The following DMXL1 variants were observed in gnomAD, a reference collection of about 807,000 sequenced individuals.
DMXL1 encodes the protein dmX-like protein 1.
DMXL1 carries 99 observed loss-of-function variants against 319.2 expected under a neutral mutation model. That is an observed-to-expected ratio of 0.31 (90% CI 0.26 to 0.37). DMXL1 has a LOEUF of 0.37. DMXL1 is among the 10% of genes least tolerant of loss of function. The pLI is 1.00. For synonymous variants in DMXL1, 1,385 were observed against 1,235.2 expected, an observed-to-expected ratio of 1.12 and a Z score of -2.54; for missense variants, 3,745 against 3,595.6, an observed-to-expected ratio of 1.04 and a Z score of -1.06.
chr5:119,081,997 T>TTG (rs1249205755), intron 1 of DMXL1, among the ~76,000 whole-genome samples: 1 of 116,210 alleles, frequency 8.6e-6, no homozygotes, highest in Non-Finnish European at 1.8e-5. Flanking sequence ...TTTCTTAAGG[T>TTG]TATATATATA....
At chr5:119,176,708 A>C (rs1775866358) in intron 26 of DMXL1, among the ~76,000 whole-genome samples, 1 of 152,054 alleles carries the variant, frequency 6.6e-6, no homozygotes, top group Non-Finnish European at 1.5e-5. Flanking sequence ...TTTCTAAAGG[A>C]AATTCCTTAT....
intron 33 of DMXL1, 36 bp downstream of exon 33, chr5:119,203,472 A>G: frequency 7.8e-7 from 1 of 1,278,590 alleles, no homozygotes; most frequent in Non-Finnish European, 1.1e-6. Flanking sequence ...CTATTTTATT[A>G]TTGAAGTCTT....
intron 9 of DMXL1, among the ~76,000 whole-genome samples, chr5:119,125,192 A>G (rs527366192): frequency 6.6e-6 from 1 of 152,348 alleles, no homozygotes; most frequent in South Asian, 2.1e-4. Context: ...AGAGAACTAC[A>G]ATATATGAAT....
intron 38 of DMXL1, among the ~76,000 whole-genome samples, chr5:119,227,323 G>C (rs1271616996): frequency 2.6e-5 from 4 of 152,002 alleles, no homozygotes; most frequent in Non-Finnish European, 4.4e-5. Flanking sequence ...TCATACACTT[G>C]ATAGGTTCTA....
intron 33 of DMXL1, among the ~76,000 whole-genome samples, chr5:119,205,997 A>G (rs1781677250): frequency 6.6e-6 from 1 of 151,944 alleles, no homozygotes; most frequent in Non-Finnish European, 1.5e-5. Flanking sequence ...TTATTTCTTT[A>G]TGTGTTTGAA....
At chr5:119,121,934 G>A (rs887378785) in intron 9 of DMXL1, among the ~76,000 whole-genome samples, 43 of 141,190 alleles carry the variant, frequency 3.0e-4, no homozygotes, top group South Asian at 9.4e-4. Context: ...CCTCCCTCCC[G>A]GACGGGGCGG....
chr5:119,165,404 A>T (rs894500052), intron 21 of DMXL1, 124 bp downstream of exon 21: 12 of 566,696 alleles, frequency 2.1e-5, no homozygotes, highest in Non-Finnish European at 3.3e-5. Flanking sequence ...TAGTTGTTTT[A>T]TATTTAAAAG....
At chr5:119,110,576 G>C (rs1316239958) in intron 5 of DMXL1, among the ~76,000 whole-genome samples, 3 of 152,128 alleles carry the variant, frequency 2.0e-5, no homozygotes, top group African/African-American at 7.2e-5. Flanking sequence ...GCTTTTGAAT[G>C]GAAGACTTCC....
intron 34 of DMXL1, among the ~76,000 whole-genome samples, chr5:119,209,780 T>G (rs1399405941): frequency 6.6e-6 from 1 of 152,244 alleles, no homozygotes; most frequent in Non-Finnish European, 1.5e-5. Context: ...ATTTGCCATT[T>G]GTCTATCTTT....
chr5:119,208,964 A>G (rs937210169), intron 34 of DMXL1, among the ~76,000 whole-genome samples: 3 of 152,188 alleles, frequency 2.0e-5, no homozygotes, highest in African/African-American at 7.2e-5. Context: ...CATATAATAC[A>G]TCATTTTTGG....
chr5:119,139,363 G>T (rs1766760597), intron 13 of DMXL1, among the ~76,000 whole-genome samples: 1 of 152,176 alleles, frequency 6.6e-6, no homozygotes. Flanking sequence ...ACAATGGTAT[G>T]TGGTCTTCAA....
rs536874559 is a variant in DMXL1, at chr5:119,095,581, T to C, written c.88-2398T>C. ...GAAGACATGAGTTTTTTTATTCCAC[T>C]GAAAGGAAACTGAAAATGTTGTTTA... On this transcript the variant is annotated intron_variant, in intron 1 of 43. Coordinates refer to ENST00000539542, the MANE Select transcript of DMXL1 (RefSeq NM_001290321.3). Among the ~76,000 whole-genome samples, 145 of 152,280 alleles carry C rather than the reference T, an allele frequency of 9.5e-4. 3 individuals are homozygous for C. The Middle Eastern group carries it at 0.014, about 14-fold the overall frequency.
At position 119,170,534 on chromosome 5, in the gene DMXL1, A is replaced by T. The variant is rs1774339542; in HGVS notation, c.5743A>T (p.Arg1915Trp). 6.2e-7 allele frequency: 1 copy of T among 1,613,804 alleles called. No homozygotes were observed. Among genetic ancestry groups the T allele is most frequent in the Admixed American group, 1.7e-5 (1 of 59,996 alleles). The change falls in exon 24 of 44, where the codon AGG becomes TGG. Residue 1915 changes from arginine (R) to tryptophan (W), a missense_variant. Physicochemically the swap from Arg to Trp is moderately radical, Grantham distance 101. This residue lies in a region of DMXL1 where 1,382 missense variants were observed against 1,269.5 expected (regional missense o/e 1.09). Coordinates refer to ENST00000539542, the MANE Select transcript of DMXL1 (RefSeq NM_001290321.3). ...SPSSPLKLDA[R>W]EDKSSAVDWS... is the part of the protein sequence containing the mutation. ...TTCTTCTCCATTAAAGTTGGATGCA[A>T]GGGAAGATAAGTCTTCTGCTGTTGA...
intron 9 of DMXL1, among the ~76,000 whole-genome samples, chr5:119,121,429 C>A (rs1298325758): frequency 6.6e-6 from 1 of 152,032 alleles, no homozygotes; most frequent in African/African-American, 2.4e-5. Context: ...GACCCTGCGG[C>A]CTTCCGCTGT....
chr5:119,199,574 A>G (rs376866913), intron 32 of DMXL1, among the ~76,000 whole-genome samples: 18 of 152,308 alleles, frequency 1.2e-4, no homozygotes, highest in African/African-American at 4.3e-4. Flanking sequence ...TACCCTAGGT[A>G]TATACCCAGT....
At chr5:119,105,348 G>C in intron 4 of DMXL1, 90 bp downstream of exon 4, 1 of 1,041,032 alleles carries the variant, frequency 9.6e-7, no homozygotes, top group Non-Finnish European at 1.5e-6. Context: ...ACTTCTGCTG[G>C]GTGTGAGGTT....
chr5:119,136,624 G>A (rs1278851766), intron 13 of DMXL1, among the ~76,000 whole-genome samples: 2 of 152,274 alleles, frequency 1.3e-5, no homozygotes, highest in African/African-American at 4.8e-5. Context: ...GCTCTGTGCA[G>A]CCTTGGGATT....
rs1309819824 is a variant in DMXL1, at chr5:119,121,000, G to T, written c.963G>T (p.Arg321=). 6.2e-7 allele frequency: 1 copy of T among 1,612,536 alleles called. No individual in the cohort carries two copies. Among genetic ancestry groups the T allele is most frequent in the South Asian group, 1.1e-5 (1 of 90,744 alleles). ...ATCTGAGACATTTTCGTAGAGGTCG[G>T]AGGAGATCACTTGCTCTTGTAGCAC... ...EVNLRHFRRG[R]RRSLALVAHT... The change falls in exon 9 of 44, where the codon CGG becomes CGT. Residue 321 remains arginine, a synonymous_variant. Transcript: ENST00000539542.
chr5:119,140,366 C>T (rs1277344655), intron 13 of DMXL1, among the ~76,000 whole-genome samples: 3 of 151,778 alleles, frequency 2.0e-5, no homozygotes, highest in Non-Finnish European at 4.4e-5. Context: ...AAGATAAGTA[C>T]GTTGCTAACT....
Sources: gnomAD v4.1 joint callset for allele counts (sites outside exome capture counted in the v4.1 genomes callset) on GRCh38, gnomAD v4.1.1 for gene constraint, gnomAD v4.1.1 regional missense constraint, MANE v1.5 for transcripts, NCBI Gene and HGNC (gene_info 2026-07-23, HGNC 2026-07-21) for gene names.